DPYSL2: variants seen among roughly 807,000 people sequenced by gnomAD.
DPYSL2 encodes dihydropyrimidinase like 2, also known as dihydropyrimidinase-related protein 2.
In DPYSL2, 13 loss-of-function variants were observed where a neutral mutation model predicts 69.9. The observed-to-expected ratio is 0.19, with a 90% CI of 0.12 to 0.30. DPYSL2 has a LOEUF of 0.30. DPYSL2 is among the 10% of genes least tolerant of loss of function. DPYSL2 has a pLI of 1.00. For missense variants in DPYSL2, 587 were observed against 918.9 expected (o/e 0.64, Z 4.67); for synonymous variants, 326 against 359.1 (o/e 0.91, Z 1.04).
At chr8:26,589,147 C>G (rs1041567021) in intron 3 of DPYSL2, among the ~76,000 whole-genome samples, 1 of 152,214 alleles carries the variant, frequency 6.6e-6, no homozygotes, top group African/African-American at 2.4e-5. Flanking sequence ...TTCCTGCTGC[C>G]CCAGCCCAGA....
At chr8:26,594,729 C>T (rs1447112795) in intron 3 of DPYSL2, among the ~76,000 whole-genome samples, 2 of 152,140 alleles carry the variant, frequency 1.3e-5, no homozygotes, top group Admixed American at 1.3e-4. Context: ...CTTTCATATA[C>T]CAAAGATGCA....
chr8:26,589,695 G>C (rs1374446477), intron 3 of DPYSL2, among the ~76,000 whole-genome samples: 1 of 152,264 alleles, frequency 6.6e-6, no homozygotes, highest in African/African-American at 2.4e-5. Context: ...AGGAAGCCGA[G>C]AGCCCAGGCA....
intron 1 of DPYSL2, among the ~76,000 whole-genome samples, chr8:26,552,602 T>C (rs576096784): frequency 1.3e-5 from 2 of 152,202 alleles, no homozygotes; most frequent in Non-Finnish European, 2.9e-5. Flanking sequence ...CTATTTCTGG[T>C]GCGGGCCTTC....
intron 3 of DPYSL2, among the ~76,000 whole-genome samples, chr8:26,615,622 C>A (rs1351584808): frequency 6.6e-6 from 1 of 152,086 alleles, no homozygotes; most frequent in African/African-American, 2.4e-5. Flanking sequence ...CTTCTGTATA[C>A]CAGTCCCCCT....
rs1657307883 is a variant in DPYSL2, at chr8:26,626,519, A to G, written c.794-98A>G. On this transcript the variant is annotated intron_variant, in intron 4 of 13. Coordinates refer to ENST00000521913, the MANE Select transcript of DPYSL2 (RefSeq NM_001197293.3). This position sits in a 1 kb window ranked among gnomAD's most constrained non-coding sequence, Gnocchi z 4.3. Reference sequence around the variant, plus strand: ...CACACACACACACACACACACACACACACGTACACACACAGACAGTATTAT... The same window carrying G: ...CACACACACACACACACACACACACGCACGTACACACACAGACAGTATTAT... 1.0e-6 allele frequency: 1 copy of G among 968,148 alleles called. No individual in the cohort carries two copies. Among genetic ancestry groups the G allele is most frequent in the Non-Finnish European group, 1.6e-6 (1 of 622,930 alleles). 60.0% of individuals were successfully genotyped at this position (968,148 alleles called of 1,614,324 possible). A position where few individuals can be genotyped will look rare whatever the true frequency, so the allele number is the denominator to read the frequency against.
rs931789338 is a variant in DPYSL2, at chr8:26,586,914, A to G, written c.628+2931A>G. Among the ~76,000 whole-genome samples the G allele has an allele frequency of 1.3e-5, 2 of 152,220 alleles. No homozygotes were observed. Among genetic ancestry groups the G allele is most frequent in the African/African-American group, 4.8e-5 (2 of 41,452 alleles). ...TAAAAGTCATCAGAGGGGGCAGTGT[A>G]TGGTTAGCATTGTGACCCCCAAATG... On this transcript the variant is annotated intron_variant, in intron 3 of 13. Coordinates refer to ENST00000521913, the MANE Select transcript of DPYSL2 (RefSeq NM_001197293.3). The surrounding 1 kb of genome is among the most constrained non-coding windows in gnomAD (Gnocchi z 4.7).
Position 26,549,908 on chromosome 8 carries a change from TA to T in DPYSL2, c.355-32051del, listed in dbSNP as rs553570724. 6.0e-3 allele frequency among the ~76,000 whole-genome samples: 891 copies of T among 149,296 alleles called. 4 individuals carry two copies. The highest frequency in any genetic ancestry group is 8.5e-3 in the Non-Finnish European group (573 of 67,104). On this transcript the variant is annotated intron_variant, in intron 1 of 13. Coordinates refer to ENST00000521913, the MANE Select transcript of DPYSL2 (RefSeq NM_001197293.3). Reference sequence around the variant, plus strand: ...TCACTGGTGACATTGCAAGAAATGTTAAAAAAAAAATCTTCAGAGAGAAGGA... The same window carrying T: ...TCACTGGTGACATTGCAAGAAATGTTAAAAAAAAATCTTCAGAGAGAAGGA...
At position 26,591,586 on chromosome 8, in the gene DPYSL2, C is replaced by G. The variant is rs1393660485; in HGVS notation, c.628+7603C>G. Among the ~76,000 whole-genome samples the G allele has an allele frequency of 6.6e-6, 1 of 152,216 alleles. No individual in the cohort carries two copies. Among genetic ancestry groups the G allele is most frequent in the Non-Finnish European group, 1.5e-5 (1 of 68,032 alleles). On this transcript the variant is annotated intron_variant, in intron 3 of 13. Transcript: ENST00000521913. The surrounding 1 kb of genome is among the most constrained non-coding windows in gnomAD (Gnocchi z 5.8). ...GGAGCCAGACCCGTTACTCCTTCTA[C>G]TCATGATAGCTTTAGCATTGTTGTC...
chr8:26,556,354 A>ATATATATATATATAGTATATATATAG (rs1800984882), intron 1 of DPYSL2, among the ~76,000 whole-genome samples: 1 of 14,072 alleles, frequency 7.1e-5, no homozygotes, highest in Non-Finnish European at 1.3e-4. Context: ...TATATATAGT[A>ATATATATATATATAGTATATATATAG]TATATATATA....
intron 1 of DPYSL2, chr8:26,577,237 C>A (rs1389084657): frequency 1.7e-5 from 7 of 410,584 alleles, no homozygotes; most frequent in Middle Eastern, 5.5e-4. Flanking sequence ...CCATTCCCCG[C>A]CCCCAGGAGC....
At chr8:26,613,568 G>C (rs1266771388) in intron 3 of DPYSL2, among the ~76,000 whole-genome samples, 1 of 152,206 alleles carries the variant, frequency 6.6e-6, no homozygotes, top group Non-Finnish European at 1.5e-5. Context: ...AGAGGGTCCT[G>C]CTCCTTATAT....
chr8:26,576,942 G>A (rs960279017), intron 1 of DPYSL2: 3 of 289,266 alleles, frequency 1.0e-5, no homozygotes, highest in Admixed American at 5.6e-5. Context: ...CCCTCAGGGA[G>A]CCGAGGTGGG....
At chr8:26,639,649 A>G (rs1019933027) in intron 8 of DPYSL2, among the ~76,000 whole-genome samples, 2 of 152,184 alleles carry the variant, frequency 1.3e-5, no homozygotes, top group Non-Finnish European at 1.5e-5. Flanking sequence ...GTCTAGTACA[A>G]TTAGGAGCAA....
At chr8:26,542,556 G>A (rs1335033061) in intron 1 of DPYSL2, among the ~76,000 whole-genome samples, 2 of 151,658 alleles carry the variant, frequency 1.3e-5, no homozygotes, top group African/African-American at 2.4e-5. Flanking sequence ...TGAGTAGTTC[G>A]GGCTACAGGC....
rs143731401 is a variant in DPYSL2 at position 26,533,883 on chromosome 8, G to A, written c.354+19204G>A. 4.4e-3 allele frequency among the ~76,000 whole-genome samples: 668 copies of A among 152,320 alleles called. 11 individuals carry two copies. Among genetic ancestry groups the A allele is most frequent in the African/African-American group, 0.015 (620 of 41,576 alleles). The stretch of plus-strand genomic sequence containing the variant: ...ACCCAGTGACAGCCTAGTGACAAGA[G>A]GGTCTTAATTAATGCAACTGAAAAG... On this transcript the variant is annotated intron_variant, in intron 1 of 13. Coordinates refer to ENST00000521913, the MANE Select transcript of DPYSL2 (RefSeq NM_001197293.3). This position sits in a 1 kb window ranked among gnomAD's most constrained non-coding sequence, Gnocchi z 4.8.
At chr8:26,532,541 T>C (rs1468021233) in intron 1 of DPYSL2, among the ~76,000 whole-genome samples, 2 of 152,182 alleles carry the variant, frequency 1.3e-5, no homozygotes, top group African/African-American at 2.4e-5. Context: ...CTTCCACCCC[T>C]AGCCCCTGAC....
In DPYSL2 at chr8:26,537,406, C is replaced by A. The variant is rs975440896; in HGVS notation, c.354+22727C>A. 6.6e-5 allele frequency among the ~76,000 whole-genome samples: 10 copies of A among 152,090 alleles called. 1 individual carries two copies. The highest frequency in any genetic ancestry group is 4.1e-4 in the South Asian group (2 of 4,822). Reference sequence around the variant, plus strand: ...AGTCATTTGCTAGTTTTTGTCATATCTACCTATAACGTTTGCTATTATTTA... The same window carrying A: ...AGTCATTTGCTAGTTTTTGTCATATATACCTATAACGTTTGCTATTATTTA... On this transcript the variant is annotated intron_variant, in intron 1 of 13. Coordinates refer to ENST00000521913, the MANE Select transcript of DPYSL2 (RefSeq NM_001197293.3).
At chr8:26,599,116 GATGC>G (rs1801934596) in intron 3 of DPYSL2, among the ~76,000 whole-genome samples, 1 of 152,220 alleles carries the variant, frequency 6.6e-6, no homozygotes, top group South Asian at 2.1e-4. Context: ...TGGAGAAGCT[GATGC>G]ATAGAAAAGA....
rs1808292866 is a variant in DPYSL2 at position 26,516,510 on chromosome 8, T to A, written c.354+1831T>A. Among the ~76,000 whole-genome samples the A allele has an allele frequency of 6.6e-6, 1 of 152,212 alleles. No homozygotes were observed. Among genetic ancestry groups the A allele is most frequent in the South Asian group, 2.1e-4 (1 of 4,836 alleles). On this transcript the variant is annotated intron_variant, in intron 1 of 13. Transcript: ENST00000521913. The surrounding 1 kb of genome is among the most constrained non-coding windows in gnomAD (Gnocchi z 4.8). ...AGGGGTTGAAAGTGGCCCACCCCTA[T>A]CATGAATTAGAACTCAAGTTTGAAA...
Sources: allele counts gnomAD v4.1 joint callset (sites outside exome capture counted in the v4.1 genomes callset), GRCh38; gene constraint gnomAD v4.1.1; non-coding constraint Gnocchi (gnomAD v3.1); transcripts MANE v1.5; gene names NCBI Gene and HGNC (gene_info 2026-07-23, HGNC 2026-07-21).